Variants in C16orf87 observed in about 807,000 individuals in gnomAD.
C16orf87 encodes the protein UPF0547 protein C16orf87.
A neutral mutation model predicts 21.0 loss-of-function variants in C16orf87; 13 were observed. That is an observed-to-expected ratio of 0.62 (90% CI 0.40 to 0.98). The LOEUF (loss-of-function observed/expected upper bound fraction) is 0.98. C16orf87 is among the 50% of genes least tolerant of loss of function. The probability of loss-of-function intolerance (pLI) is 0.00; values close to 1 mark genes in which losing one functional copy is unlikely to be tolerated. For synonymous variants in C16orf87, 49 were observed against 60.2 expected (o/e 0.81, Z 0.86); for missense variants, 113 against 180.4 (o/e 0.63, Z 2.14).
chr16:46,803,936 T>C (rs808428), intron 3 of C16orf87, among the ~76,000 whole-genome samples: 148,776 of 152,302 alleles, frequency 0.98, 72,750 homozygotes, highest in East Asian at 1. Context: ...TTTGCATCTC[T>C]TGCCCCAATA....
chr16:46,822,218 G>A (rs1483427203), intron 2 of C16orf87, among the ~76,000 whole-genome samples: 1 of 151,972 alleles, frequency 6.6e-6, no homozygotes, highest in African/African-American at 2.4e-5. Flanking sequence ...GCCTGGCCCT[G>A]TTCCTTCTTT....
intron 3 of C16orf87, chr16:46,808,230 T>G: frequency 2.5e-6 from 1 of 401,492 alleles, no homozygotes; most frequent in Non-Finnish European, 4.9e-6. Flanking sequence ...CCAAGGAATA[T>G]GGAGTACCTT....
intron 2 of C16orf87, among the ~76,000 whole-genome samples, chr16:46,813,117 T>G (rs1197966685): frequency 1.3e-5 from 2 of 152,178 alleles, no homozygotes; most frequent in Admixed American, 6.5e-5. Flanking sequence ...AACACTATTG[T>G]TATGATGGCT....
At chr16:46,805,194 CT>C (rs1967893432) in intron 3 of C16orf87, among the ~76,000 whole-genome samples, 1 of 152,080 alleles carries the variant, frequency 6.6e-6, no homozygotes, top group Non-Finnish European at 1.5e-5. Context: ...TCGTTGATGA[CT>C]TCCTTCTCCT....
intron 3 of C16orf87, among the ~76,000 whole-genome samples, chr16:46,803,442 CAT>C (rs1428462616): frequency 6.6e-6 from 1 of 152,108 alleles, no homozygotes; most frequent in African/African-American, 2.4e-5. Context: ...AATACATTAA[CAT>C]ATTCATCTTC....
At chr16:46,818,773 T>C (rs948352796) in intron 2 of C16orf87, among the ~76,000 whole-genome samples, 2 of 152,168 alleles carry the variant, frequency 1.3e-5, no homozygotes, top group Admixed American at 1.3e-4. Context: ...CACTGCAACC[T>C]CTGCTTCCCA....
chr16:46,816,709 G>A (rs1471606453), intron 2 of C16orf87, among the ~76,000 whole-genome samples: 1 of 152,150 alleles, frequency 6.6e-6, no homozygotes, highest in East Asian at 1.9e-4. Context: ...CTGTTAAAGA[G>A]GACAATATGC....
intron 3 of C16orf87, among the ~76,000 whole-genome samples, chr16:46,804,417 G>A (rs992405710): frequency 6.6e-6 from 1 of 152,152 alleles, no homozygotes; most frequent in Non-Finnish European, 1.5e-5. Context: ...TCCTGAGAAA[G>A]GCAGTATTGG....
chr16:46,803,164 TATTA>T (rs1967827531), intron 3 of C16orf87, 94 bp from the exon 4 acceptor site: 12 of 613,170 alleles, frequency 2.0e-5, no homozygotes, highest in Middle Eastern at 4.3e-4. Context: ...TAAATGACAG[TATTA>T]TATATAATAC....
intron 3 of C16orf87, among the ~76,000 whole-genome samples, chr16:46,808,842 T>C (rs961318163): frequency 6.6e-6 from 1 of 151,970 alleles, no homozygotes; most frequent in Non-Finnish European, 1.5e-5. Context: ...AAAAGAAATA[T>C]ACTCTGGACC....
intron 3 of C16orf87, among the ~76,000 whole-genome samples, chr16:46,806,659 T>C (rs1399255350): frequency 6.6e-6 from 1 of 152,206 alleles, no homozygotes; most frequent in East Asian, 1.9e-4. Flanking sequence ...AATACCCTTA[T>C]ATATAAAACG....
intron 3 of C16orf87, among the ~76,000 whole-genome samples, chr16:46,806,269 T>G (rs1967925445): frequency 6.6e-6 from 1 of 150,460 alleles, no homozygotes; most frequent in African/African-American, 2.4e-5. Context: ...TTTTTTTTTT[T>G]TTTTTTTGAG....
At chr16:46,824,296 C>T in intron 2 of C16orf87, 90 bp downstream of exon 2, 1 of 669,542 alleles carries the variant, frequency 1.5e-6, no homozygotes. Context: ...AAACTTTTAA[C>T]TTCAACAAAA....
intron 3 of C16orf87, chr16:46,808,225 G>C: frequency 2.5e-6 from 1 of 406,196 alleles, no homozygotes; most frequent in Admixed American, 3.0e-5. Context: ...ATTACCCAAG[G>C]AATATGGAGT....
chr16:46,829,976 AT>A (rs1959779174), intron 1 of C16orf87, among the ~76,000 whole-genome samples: 1 of 151,440 alleles, frequency 6.6e-6, no homozygotes. Context: ...AAAGGTAGTC[AT>A]TTTGAAAAAA....
intron 2 of C16orf87, among the ~76,000 whole-genome samples, chr16:46,813,987 G>A (rs949589437): frequency 1.4e-4 from 21 of 152,134 alleles, no homozygotes; most frequent in Non-Finnish European, 1.3e-4. Context: ...AAATAAAATC[G>A]GATAGGACAC....
intron 2 of C16orf87, among the ~76,000 whole-genome samples, chr16:46,819,172 T>C (rs919147413): frequency 6.6e-5 from 10 of 152,236 alleles, no homozygotes; most frequent in Non-Finnish European, 1.2e-4. Flanking sequence ...GCTTTGTGTG[T>C]TTCGTCCAAT....
At chr16:46,820,545 A>G (rs1410878504) in intron 2 of C16orf87, among the ~76,000 whole-genome samples, 1 of 152,246 alleles carries the variant, frequency 6.6e-6, no homozygotes, top group Non-Finnish European at 1.5e-5. Flanking sequence ...CTTTCAAACT[A>G]GCACATACTA....
intron 2 of C16orf87, among the ~76,000 whole-genome samples, chr16:46,816,478 T>C (rs1436222278): frequency 6.6e-6 from 1 of 152,128 alleles, no homozygotes; most frequent in Non-Finnish European, 1.5e-5. Flanking sequence ...TAGGTGCTAA[T>C]AAGCTAAATT....
Sources: gnomAD v4.1 joint callset for allele counts (sites outside exome capture counted in the v4.1 genomes callset) on GRCh38, gnomAD v4.1.1 for gene constraint, MANE v1.5 for transcripts, NCBI Gene and HGNC (gene_info 2026-07-23, HGNC 2026-07-21) for gene names.